The following CNTN5 variants were observed in gnomAD, a reference collection of about 807,000 sequenced individuals.
The protein encoded by CNTN5 is contactin 5.
Under a neutral mutation model 129.1 loss-of-function variants are expected in CNTN5, and 77 were observed. That is an observed-to-expected ratio of 0.60 (90% CI 0.50 to 0.72). CNTN5 has a LOEUF of 0.72. Ranked by LOEUF, CNTN5 falls within the 30% of genes least tolerant of loss-of-function variation. CNTN5 has a pLI of 0.00. For missense variants in CNTN5, 1,478 were observed against 1,328.8 expected (o/e 1.11, Z -1.75); for synonymous variants, 509 against 465.6 (o/e 1.09, Z -1.20).
chr11:100,269,530 T>G (rs543376567), intron 17 of CNTN5, among the ~76,000 whole-genome samples: 1 of 152,158 alleles, frequency 6.6e-6, no homozygotes, highest in Non-Finnish European at 1.5e-5. Context: ...GGGCTGGTTC[T>G]TTTTCTCCGT....
At chr11:99,338,923 T>TATATATATATATATATATATATCTGTG (rs1866369376) in intron 2 of CNTN5, among the ~76,000 whole-genome samples, 8 of 25,250 alleles carry the variant, frequency 3.2e-4, no homozygotes, top group African/African-American at 8.5e-4. Flanking sequence ...TTCACAGATA[T>TATATATATATATATATATATATCTGTG]ATATATATAT....
chr11:99,353,440 G>A (rs563675378), intron 2 of CNTN5, among the ~76,000 whole-genome samples: 2 of 152,278 alleles, frequency 1.3e-5, no homozygotes, highest in Admixed American at 1.3e-4. Context: ...GAAAGTAAGA[G>A]CGGGGAATGG....
intron 1 of CNTN5, among the ~76,000 whole-genome samples, chr11:99,310,976 T>G (rs1241028213): frequency 2.6e-5 from 4 of 151,990 alleles, no homozygotes; most frequent in Non-Finnish European, 5.9e-5. Context: ...TTGTCACCCA[T>G]GCCGGAATGC....
chr11:99,893,430 T>C (rs575890919), intron 6 of CNTN5, among the ~76,000 whole-genome samples: 15 of 152,290 alleles, frequency 9.8e-5, no homozygotes, highest in African/African-American at 2.9e-4. Context: ...TAAGAAACTT[T>C]AGAAAAAAAA....
intron 1 of CNTN5, among the ~76,000 whole-genome samples, chr11:99,051,902 A>G (rs1864441053): frequency 6.6e-6 from 1 of 151,908 alleles, no homozygotes; most frequent in African/African-American, 2.4e-5. Context: ...GAAACAATAT[A>G]TTATCACTAG....
chr11:100,302,783 G>A (rs1951256040), intron 20 of CNTN5, among the ~76,000 whole-genome samples: 1 of 151,538 alleles, frequency 6.6e-6, no homozygotes, highest in Non-Finnish European at 1.5e-5. Flanking sequence ...TTTTATAAGT[G>A]TGTATGTGCA....
At chr11:99,738,643 AT>A (rs1662665232) in intron 3 of CNTN5, among the ~76,000 whole-genome samples, 1 of 146,278 alleles carries the variant, frequency 6.8e-6, no homozygotes, top group Non-Finnish European at 1.5e-5. Flanking sequence ...GTGTGTGTGT[AT>A]GTGTGTGTAG....
At position 100,297,680 on chromosome 11, in the gene CNTN5, A is replaced by G. The variant is rs551938078; in HGVS notation, c.2370A>G (p.Leu790=). The change falls in exon 19 of 25, where the codon TTA becomes TTG. Residue 790 remains leucine (L), a synonymous_variant. Transcript: ENST00000524871. ...VSGRSGRRHE[L]VIAWEPVSEE... ...GAAGAAGTGGAAGAAGGCATGAGTT[A>G]GTCATTGCCTGGGAGGTAAGAAAAA... The G allele has an allele frequency of 3.7e-6, 6 of 1,603,052 alleles. No homozygotes were observed. Among genetic ancestry groups the G allele is most frequent in the Admixed American group, 1.7e-5 (1 of 59,052 alleles).
At chr11:99,140,584 A>G (rs993403783) in intron 1 of CNTN5, among the ~76,000 whole-genome samples, 1 of 152,002 alleles carries the variant, frequency 6.6e-6, no homozygotes, top group Non-Finnish European at 1.5e-5. Context: ...TCTCAAGGGG[A>G]ATGCTTCCAG....
chr11:99,648,956 A>G (rs1346034222), intron 3 of CNTN5, among the ~76,000 whole-genome samples: 2 of 151,814 alleles, frequency 1.3e-5, no homozygotes, highest in Non-Finnish European at 3.0e-5. Flanking sequence ...ATACACAACT[A>G]CAGCTAGATT....
intron 22 of CNTN5, 59 bp downstream of exon 22, chr11:100,340,708 C>T (rs1300360800): frequency 3.5e-6 from 5 of 1,440,204 alleles, no homozygotes; most frequent in Non-Finnish European, 4.7e-6. Context: ...TATAACATTT[C>T]TCAAAGCCAC....
At chr11:99,142,905 A>G (rs560662088) in intron 1 of CNTN5, among the ~76,000 whole-genome samples, 2 of 152,166 alleles carry the variant, frequency 1.3e-5, no homozygotes, top group Admixed American at 1.3e-4. Context: ...CTCACCTCTT[A>G]CTTAGGAGCA....
intron 6 of CNTN5, among the ~76,000 whole-genome samples, chr11:99,893,511 T>C (rs1236382979): frequency 6.6e-6 from 1 of 152,158 alleles, no homozygotes; most frequent in Non-Finnish European, 1.5e-5. Context: ...ACCCACTAAA[T>C]GGCAGACAGG....
chr11:99,981,077 G>C (rs185495704), intron 8 of CNTN5, among the ~76,000 whole-genome samples: 1 of 57,598 alleles, frequency 1.7e-5, no homozygotes, highest in Admixed American at 1.9e-4. Flanking sequence ...GAGCCAATAG[G>C]ATATATATAT....
intron 1 of CNTN5, among the ~76,000 whole-genome samples, chr11:99,054,361 C>A (rs1430797222): frequency 4.6e-5 from 7 of 151,820 alleles, no homozygotes; most frequent in Admixed American, 3.3e-4. Flanking sequence ...CAACATTTGT[C>A]TTATGAAGAG....
intron 13 of CNTN5, among the ~76,000 whole-genome samples, chr11:100,138,233 T>C (rs1946585249): frequency 7.1e-6 from 1 of 141,768 alleles, no homozygotes; most frequent in Non-Finnish European, 1.5e-5. Context: ...AGTGGATATA[T>C]AGTCCTGGCA....
At chr11:100,182,501 A>G (rs1051137898) in intron 13 of CNTN5, among the ~76,000 whole-genome samples, 3 of 152,100 alleles carry the variant, frequency 2.0e-5, no homozygotes, top group Admixed American at 2.0e-4. Context: ...ATTGGCAATT[A>G]GAGGCTTATC....
intron 1 of CNTN5, among the ~76,000 whole-genome samples, chr11:99,064,336 A>T (rs1411821600): frequency 6.6e-6 from 1 of 152,180 alleles, no homozygotes; most frequent in Non-Finnish European, 1.5e-5. Flanking sequence ...GTACACATTT[A>T]TAATTCTATT....
rs142083442 is a variant in CNTN5, at chr11:99,287,326, C to T, written c.-209-38020C>T. Reference sequence around the variant, plus strand: ...TGACCAGAAGAGGTGAAGATGCCTCCTTGAGATTTTAAAAGCATGTTTTAG... The same window carrying T: ...TGACCAGAAGAGGTGAAGATGCCTCTTTGAGATTTTAAAAGCATGTTTTAG... On this transcript the variant is annotated intron_variant, in intron 1 of 24. Coordinates refer to ENST00000524871, the MANE Select transcript of CNTN5 (RefSeq NM_014361.4). Among the ~76,000 whole-genome samples, 15 of 152,082 alleles carry T rather than the reference C, an allele frequency of 9.9e-5. No individual in the cohort carries two copies. In the South Asian group the frequency reaches 2.9e-3, roughly 29 times the overall value.
Sources: allele counts gnomAD v4.1 joint callset (sites outside exome capture counted in the v4.1 genomes callset), GRCh38; gene constraint gnomAD v4.1.1; transcripts MANE v1.5; gene names NCBI Gene and HGNC (gene_info 2026-07-23, HGNC 2026-07-21).